The following CNBD1 variants were observed in gnomAD, a reference collection of about 807,000 sequenced individuals.
CNBD1 encodes cyclic nucleotide-binding domain-containing protein 1.
CNBD1 carries 71 observed loss-of-function variants against 54.4 expected under a neutral mutation model. That is an observed-to-expected ratio of 1.30 (90% CI 1.08 to 1.59). The LOEUF is 1.59. Among genes scored for constraint, CNBD1 ranks in the 40% most tolerant of loss-of-function variants. The probability of loss-of-function intolerance (pLI) is 0.00; values close to 1 mark genes in which losing one functional copy is unlikely to be tolerated. For synonymous variants in CNBD1, 182 were observed against 170.7 expected, an observed-to-expected ratio of 1.07 and a Z score of -0.51; for missense variants, 659 against 518.0, an observed-to-expected ratio of 1.27 and a Z score of -2.64.
chr8:87,192,368 C>T (rs1047988936), intron 4 of CNBD1, among the ~76,000 whole-genome samples: 7 of 152,092 alleles, frequency 4.6e-5, no homozygotes, highest in African/African-American at 1.7e-4. Context: ...TGGAACATCT[C>T]CTGCCCTAAC....
intron 4 of CNBD1, among the ~76,000 whole-genome samples, chr8:86,986,230 C>A (rs1454820057): frequency 4.6e-5 from 7 of 152,084 alleles, no homozygotes; most frequent in Non-Finnish European, 8.8e-5. Flanking sequence ...GCCCAGCCCT[C>A]ACTGTGGTTT....
chr8:86,927,883 G>A (rs1809390350), intron 3 of CNBD1, among the ~76,000 whole-genome samples: 1 of 152,078 alleles, frequency 6.6e-6, no homozygotes. Flanking sequence ...TAATTCACAG[G>A]TGTATCGAGG....
chr8:87,326,882 G>A (rs1281128383), intron 8 of CNBD1, among the ~76,000 whole-genome samples: 1 of 87,798 alleles, frequency 1.1e-5, no homozygotes, highest in Admixed American at 1.2e-4. Flanking sequence ...GAGGCGCTCT[G>A]CGTTTTAGAG....
At chr8:87,342,488 T>C (rs1282642984) in intron 8 of CNBD1, among the ~76,000 whole-genome samples, 1 of 152,178 alleles carries the variant, frequency 6.6e-6, no homozygotes, top group African/African-American at 2.4e-5. Context: ...TATCTAATTA[T>C]GAAAATAATG....
At chr8:87,040,130 C>A (rs1357623406) in intron 4 of CNBD1, among the ~76,000 whole-genome samples, 1 of 152,218 alleles carries the variant, frequency 6.6e-6, no homozygotes, top group African/African-American at 2.4e-5. Context: ...AATCTCTAAT[C>A]TTGTGGGTAA....
intron 2 of CNBD1, among the ~76,000 whole-genome samples, chr8:87,420,720 T>G (rs1807918748): frequency 6.6e-6 from 1 of 152,096 alleles, no homozygotes; most frequent in Admixed American, 6.5e-5. Flanking sequence ...ATTCCTAATT[T>G]TGTTTTACCT....
At chr8:87,038,990 C>G (rs1016440245) in intron 4 of CNBD1, among the ~76,000 whole-genome samples, 2 of 152,204 alleles carry the variant, frequency 1.3e-5, no homozygotes, top group African/African-American at 4.8e-5. Context: ...AGGCTTCCTT[C>G]CCACTATAGG....
chr8:87,386,583 G>C (rs1269215499), downstream of CNBD1, among the ~76,000 whole-genome samples: 13 of 152,088 alleles, frequency 8.5e-5, no homozygotes, highest in Admixed American at 7.9e-4. Flanking sequence ...AATGAAAAAA[G>C]CCTCCAAGAA....
At chr8:87,359,089 G>T (rs1015891680) in intron 10 of CNBD1, among the ~76,000 whole-genome samples, 8 of 152,092 alleles carry the variant, frequency 5.3e-5, no homozygotes, top group Non-Finnish European at 1.0e-4. Flanking sequence ...AGTCAAGGTG[G>T]CACATAAAGT....
intron 4 of CNBD1, among the ~76,000 whole-genome samples, chr8:87,007,723 G>A (rs1809132217): frequency 6.6e-6 from 1 of 152,022 alleles, no homozygotes; most frequent in Non-Finnish European, 1.5e-5. Flanking sequence ...CATTCTTAAA[G>A]TTTTCCTTAA....
chr8:87,290,768 G>C (rs1020090822), intron 8 of CNBD1, among the ~76,000 whole-genome samples: 1 of 152,080 alleles, frequency 6.6e-6, no homozygotes, highest in Admixed American at 6.6e-5. Flanking sequence ...GGGTTATTTT[G>C]TGTAAGTTAA....
At chr8:87,080,936 T>G (rs930590001) in intron 4 of CNBD1, among the ~76,000 whole-genome samples, 1 of 152,048 alleles carries the variant, frequency 6.6e-6, no homozygotes, top group Admixed American at 6.5e-5. Flanking sequence ...TTTTTTCCCC[T>G]TGTCATTGTG....
At chr8:87,223,841 A>T (rs1374960630) in intron 5 of CNBD1, among the ~76,000 whole-genome samples, 1 of 152,080 alleles carries the variant, frequency 6.6e-6, no homozygotes, top group Non-Finnish European at 1.5e-5. Context: ...TGGTTGAACT[A>T]GTTTACAGTC....
chr8:87,366,563 T>C (rs1477281902), intron 10 of CNBD1, among the ~76,000 whole-genome samples: 2 of 152,076 alleles, frequency 1.3e-5, no homozygotes, highest in African/African-American at 2.4e-5. Context: ...TATTTTAAGG[T>C]TAACTCGTTA....
At chr8:87,403,492 T>G (rs1226613686) in intron 2 of CNBD1, among the ~76,000 whole-genome samples, 1 of 152,032 alleles carries the variant, frequency 6.6e-6, no homozygotes, top group Non-Finnish European at 1.5e-5. Context: ...TTGTTCATTA[T>G]CATCATAGAA....
At chr8:86,971,412 T>G (rs1441307655) in intron 4 of CNBD1, among the ~76,000 whole-genome samples, 1 of 152,278 alleles carries the variant, frequency 6.6e-6, no homozygotes, top group Non-Finnish European at 1.5e-5. Context: ...GAGATGAGAT[T>G]TGGGTGGAGA....
At chr8:87,168,388 T>A (rs946995714) in intron 4 of CNBD1, among the ~76,000 whole-genome samples, 6 of 152,000 alleles carry the variant, frequency 3.9e-5, no homozygotes, top group African/African-American at 1.4e-4. Flanking sequence ...GGGTAAATAA[T>A]GTATCCATCA....
rs551634592 is a variant in CNBD1, at chr8:87,148,627, A to T, written c.432-57366A>T. Reference sequence around the variant, plus strand: ...TGTTTAATTTAACTATGGAACACAGAGCTCCTGGGGAGAGCACTGACAGGC... The same window carrying T: ...TGTTTAATTTAACTATGGAACACAGTGCTCCTGGGGAGAGCACTGACAGGC... On this transcript the variant is annotated intron_variant, in intron 4 of 10. Transcript: ENST00000518476. 7.8e-3 allele frequency among the ~76,000 whole-genome samples: 1,184 copies of T among 152,272 alleles called. 14 individuals are homozygous for T. The highest frequency in any genetic ancestry group is 0.027 in the African/African-American group (1,101 of 41,532).
intron 1 of CNBD1, among the ~76,000 whole-genome samples, chr8:86,873,940 A>G (rs1214407874): frequency 6.6e-6 from 1 of 152,224 alleles, no homozygotes; most frequent in Non-Finnish European, 1.5e-5. Context: ...CATAATTACA[A>G]TACAACTATC....
Sources: allele counts gnomAD v4.1 joint callset (sites outside exome capture counted in the v4.1 genomes callset), GRCh38; gene constraint gnomAD v4.1.1; transcripts MANE v1.5; gene names NCBI Gene and HGNC (gene_info 2026-07-23, HGNC 2026-07-21).